The following TRABD2B variants were observed in gnomAD, a reference collection of about 807,000 sequenced individuals.
TRABD2B encodes the protein TraB domain containing 2B.
A neutral mutation model predicts 40.1 loss-of-function variants in TRABD2B; 14 were observed. The observed-to-expected ratio is 0.35, with a 90% confidence interval of 0.23 to 0.55. The LOEUF (loss-of-function observed/expected upper bound fraction) is 0.55, where lower values mean the gene tolerates loss of function less well. Among genes scored for constraint, TRABD2B ranks in the 20% least tolerant of loss-of-function variants. The pLI, the probability that TRABD2B is intolerant of heterozygous loss-of-function variation, is 0.90. For missense variants in TRABD2B, 541 were observed against 648.6 expected (o/e 0.83, Z 1.80); for synonymous variants, 263 against 277.0 (o/e 0.95, Z 0.50).
intron 2 of TRABD2B, among the ~76,000 whole-genome samples, chr1:47,835,848 A>T (rs1645311352): frequency 6.6e-6 from 1 of 152,238 alleles, no homozygotes; most frequent in African/African-American, 2.4e-5. Context: ...AGTAAAGATA[A>T]CTATGTAGGT....
intron 2 of TRABD2B, among the ~76,000 whole-genome samples, chr1:47,853,585 C>A (rs1017621012): frequency 2.4e-4 from 37 of 152,210 alleles, no homozygotes; most frequent in African/African-American, 8.9e-4. Flanking sequence ...GGGAGCCTAG[C>A]TCAGGGACTG....
chr1:47,884,948 T>C (rs980685930), intron 2 of TRABD2B, among the ~76,000 whole-genome samples: 2 of 152,236 alleles, frequency 1.3e-5, no homozygotes, highest in South Asian at 2.1e-4. Context: ...AACGTTATCA[T>C]GGCACTCTGC....
chr1:47,887,851 CT>C (rs2124641795), intron 2 of TRABD2B, among the ~76,000 whole-genome samples: 1 of 152,328 alleles, frequency 6.6e-6, no homozygotes, highest in East Asian at 1.9e-4. Context: ...CCCGCCACCC[CT>C]GACAGCTTCC....
At chr1:47,856,933 T>A (rs906121551) in intron 2 of TRABD2B, among the ~76,000 whole-genome samples, 1 of 152,218 alleles carries the variant, frequency 6.6e-6, no homozygotes, top group African/African-American at 2.4e-5. Flanking sequence ...GCCATTGATG[T>A]GCAGGAGAAG....
intron 2 of TRABD2B, among the ~76,000 whole-genome samples, chr1:47,872,786 A>T (rs1644163473): frequency 6.6e-6 from 1 of 152,122 alleles, no homozygotes; most frequent in Admixed American, 6.5e-5. Flanking sequence ...GGGAAGGTCC[A>T]GGGAGTGGGG....
At chr1:47,796,950 G>A (rs115949728) in intron 3 of TRABD2B, among the ~76,000 whole-genome samples, 2,365 of 152,310 alleles carry the variant, frequency 0.016, 29 homozygotes, top group Admixed American at 0.024. Flanking sequence ...AGGTTCTACC[G>A]TTCTTTAGGT....
At chr1:47,862,109 A>G (rs926271809) in intron 2 of TRABD2B, among the ~76,000 whole-genome samples, 4 of 152,248 alleles carry the variant, frequency 2.6e-5, no homozygotes, top group Non-Finnish European at 5.9e-5. Context: ...TTGATAAATA[A>G]TAACTACAGA....
In TRABD2B at chr1:47,996,968, G is replaced by C; in HGVS notation, c.-179C>G. 2 of 1,107,710 alleles carry C rather than the reference G, an allele frequency of 1.8e-6. No individual in the cohort carries two copies. Among genetic ancestry groups the C allele is most frequent in the African/African-American group, 1.7e-5 (1 of 60,430 alleles). 68.6% of individuals were successfully genotyped at this position (1,107,710 alleles called of 1,614,324 possible). On this transcript the variant is annotated 5_prime_UTR_variant, in exon 1 of 7. Coordinates refer to ENST00000606738, the MANE Select transcript of TRABD2B (RefSeq NM_001194986.2). This position sits in a 1 kb window ranked among gnomAD's most constrained non-coding sequence, Gnocchi z 4.6. The stretch of plus-strand genomic sequence containing the variant: ...CGGACCTGGGGGTTTCTCTGGGGCC[G>C]GGCTCCGTCTGTTGGAAGAGGGAGA...
At chr1:47,787,796 T>G (rs1267669522) in intron 4 of TRABD2B, among the ~76,000 whole-genome samples, 2 of 152,118 alleles carry the variant, frequency 1.3e-5, no homozygotes, top group African/African-American at 4.8e-5. Context: ...ATTCATTCAT[T>G]CATTCAACAA....
intron 2 of TRABD2B, among the ~76,000 whole-genome samples, chr1:47,919,191 G>C (rs1317663575): frequency 6.6e-6 from 1 of 152,252 alleles, no homozygotes; most frequent in African/African-American, 2.4e-5. Flanking sequence ...ATAAGTGAAT[G>C]AATAGACAAT....
chr1:47,993,296 C>A (rs1263041382), intron 2 of TRABD2B, among the ~76,000 whole-genome samples: 1 of 152,196 alleles, frequency 6.6e-6, no homozygotes, highest in Non-Finnish European at 1.5e-5. Context: ...GGAGAAGGGG[C>A]TTTTAATGAC....
chr1:47,976,510 G>A (rs11205430), intron 2 of TRABD2B, among the ~76,000 whole-genome samples: 62,490 of 152,024 alleles, frequency 0.41, 13,376 homozygotes, highest in African/African-American at 0.53. Flanking sequence ...GAATACAGAC[G>A]ACACACAAAT....
intron 6 of TRABD2B, among the ~76,000 whole-genome samples, chr1:47,767,381 A>C (rs1447755570): frequency 6.6e-6 from 1 of 152,208 alleles, no homozygotes; most frequent in Non-Finnish European, 1.5e-5. Flanking sequence ...AGTCAGCCTG[A>C]AAGGCATAGT....
chr1:47,804,287 T>C (rs1644861775), intron 2 of TRABD2B, among the ~76,000 whole-genome samples: 1 of 152,184 alleles, frequency 6.6e-6, no homozygotes, highest in East Asian at 1.9e-4. Flanking sequence ...GGCAGCATGG[T>C]GGCTGGGGAT....
chr1:47,962,184 A>T (rs1411328633), intron 2 of TRABD2B, among the ~76,000 whole-genome samples: 3 of 135,682 alleles, frequency 2.2e-5, no homozygotes, highest in Non-Finnish European at 3.1e-5. Context: ...GGACACGGGA[A>T]GGGGAACATC....
chr1:47,780,619 A>C (rs1410056476), intron 4 of TRABD2B, among the ~76,000 whole-genome samples: 1 of 152,256 alleles, frequency 6.6e-6, no homozygotes, highest in East Asian at 1.9e-4. Context: ...GGTCAAGCAG[A>C]CTTCCTGGAG....
intron 2 of TRABD2B, among the ~76,000 whole-genome samples, chr1:47,815,615 G>A (rs1443222668): frequency 6.6e-6 from 1 of 152,162 alleles, no homozygotes; most frequent in African/African-American, 2.4e-5. Flanking sequence ...CCTCCAAGAA[G>A]GCCTTCCCTT....
intron 2 of TRABD2B, among the ~76,000 whole-genome samples, chr1:47,945,545 C>A (rs1313830778): frequency 6.6e-6 from 1 of 152,190 alleles, no homozygotes; most frequent in Non-Finnish European, 1.5e-5. Context: ...ACAGTTCCAA[C>A]ACTCCAAAGA....
chr1:47,831,253 G>A (rs146996461), intron 2 of TRABD2B, among the ~76,000 whole-genome samples: 15 of 152,286 alleles, frequency 9.8e-5, no homozygotes, highest in Admixed American at 3.9e-4. Context: ...CCAGAGCCTC[G>A]GTGGGAGAGC....
Sources: gnomAD v4.1 joint callset for allele counts (sites outside exome capture counted in the v4.1 genomes callset) on GRCh38, gnomAD v4.1.1 for gene constraint, Gnocchi (gnomAD v3.1) non-coding constraint, MANE v1.5 for transcripts, NCBI Gene and HGNC (gene_info 2026-07-23, HGNC 2026-07-21) for gene names.